Variants in SCAPER observed in about 807,000 individuals in gnomAD.
SCAPER encodes S-phase cyclin A associated protein in the ER.
Under a neutral mutation model 182.2 loss-of-function variants are expected in SCAPER, and 98 were observed. The ratio of observed to expected loss-of-function variants is 0.54; its 90% CI spans 0.46 to 0.64. The LOEUF (loss-of-function observed/expected upper bound fraction) is 0.64. SCAPER is among the 30% of genes least tolerant of loss of function. SCAPER has a pLI of 0.00. For missense variants in SCAPER, 1,432 were observed against 1,690.0 expected, an observed-to-expected ratio of 0.85 and a Z score of 2.68; for synonymous variants, 605 against 564.6, an observed-to-expected ratio of 1.07 and a Z score of -1.01.
At chr15:76,486,413 A>T (rs948029237) in intron 24 of SCAPER, among the ~76,000 whole-genome samples, 4 of 152,186 alleles carry the variant, frequency 2.6e-5, no homozygotes, top group Non-Finnish European at 5.9e-5. Flanking sequence ...GAAACTCAAC[A>T]GAGTAAGCAG....
At chr15:76,350,998 A>G (rs2040505740) in intron 31 of SCAPER, 1 of 391,630 alleles carries the variant, frequency 2.6e-6, no homozygotes, top group Non-Finnish European at 4.6e-6. Context: ...TATAAATTAT[A>G]CAAAGATATT....
rs1567561447 is a variant in SCAPER, at chr15:76,600,423, GTGTGTGTA to G, written c.2711+21333_2711+21340del. On this transcript the variant is annotated intron_variant, in intron 22 of 31. Transcript: ENST00000563290. Reference sequence around the variant, plus strand: ...TGTGTGTGTGTGTGTGTGTGTGTGTGTGTGTGTATACATATACATATATATATATATTT... The same window carrying G: ...TGTGTGTGTGTGTGTGTGTGTGTGTGTACATATACATATATATATATATTT... 7.0e-5 allele frequency among the ~76,000 whole-genome samples: 4 copies of G among 57,040 alleles called. 1 individual carries two copies. Among genetic ancestry groups the G allele is most frequent in the Non-Finnish European group, 8.7e-5 (2 of 23,052 alleles). 37.4% of individuals were successfully genotyped at this position (57,040 alleles called of 152,430 possible).
At chr15:76,626,808 A>T (rs1158622330) in intron 21 of SCAPER, among the ~76,000 whole-genome samples, 1 of 152,216 alleles carries the variant, frequency 6.6e-6, no homozygotes, top group African/African-American at 2.4e-5. Flanking sequence ...TCCTGAAGGA[A>T]ATGGAATGTG....
chr15:76,547,538 T>C (rs1346347781), intron 23 of SCAPER, among the ~76,000 whole-genome samples: 1 of 152,184 alleles, frequency 6.6e-6, no homozygotes, highest in Non-Finnish European at 1.5e-5. Flanking sequence ...TTAATAGTGA[T>C]TTCGGGATCT....
chr15:76,861,277 T>C (rs1349058140), intron 3 of SCAPER, among the ~76,000 whole-genome samples: 5 of 152,194 alleles, frequency 3.3e-5, no homozygotes, highest in South Asian at 2.1e-4. Flanking sequence ...ATTAGTTACA[T>C]AGGAAAAAAT....
intron 27 of SCAPER, among the ~76,000 whole-genome samples, chr15:76,396,774 A>C (rs1319354501): frequency 3.3e-5 from 5 of 152,014 alleles, no homozygotes; most frequent in Non-Finnish European, 7.4e-5. Context: ...GGATAATTTG[A>C]CTTCTTCCTT....
intron 4 of SCAPER, among the ~76,000 whole-genome samples, chr15:76,847,957 C>A (rs547360467): frequency 4.6e-5 from 7 of 152,272 alleles, no homozygotes; most frequent in African/African-American, 1.7e-4. Flanking sequence ...AAAAGAAGCT[C>A]TCTCCCTGTA....
Position 76,885,302 on chromosome 15 carries a change from A to T in SCAPER, c.-59-1426T>A, listed in dbSNP as rs113739432. Among the ~76,000 whole-genome samples the T allele has an allele frequency of 1.9e-3, 292 of 152,230 alleles. 3 individuals carry two copies. Among genetic ancestry groups the T allele is most frequent in the African/African-American group, 6.4e-3 (264 of 41,528 alleles). ...ATCATGTCCAAAATTTTCCAATTCC[A>T]TACACCCCTTCTCCCCAGCATTCAC... is the stretch of plus-strand genomic sequence containing the variant. On this transcript the variant is annotated intron_variant, in intron 1 of 31. Transcript: ENST00000563290.
chr15:76,845,318 G>A (rs1303281534), intron 4 of SCAPER, among the ~76,000 whole-genome samples: 2 of 152,076 alleles, frequency 1.3e-5, no homozygotes, highest in African/African-American at 4.8e-5. Flanking sequence ...AACATGAAAA[G>A]GATACCTGCT....
chr15:76,533,176 C>A (rs941023040), intron 23 of SCAPER, among the ~76,000 whole-genome samples: 1 of 151,976 alleles, frequency 6.6e-6, no homozygotes, highest in Non-Finnish European at 1.5e-5. Context: ...GCTGGCTTTG[C>A]GGAGTGGGTA....
intron 22 of SCAPER, among the ~76,000 whole-genome samples, chr15:76,589,579 C>A (rs1295037992): frequency 6.6e-6 from 1 of 152,130 alleles, no homozygotes; most frequent in African/African-American, 2.4e-5. Context: ...AGTGGGCAAG[C>A]TCAGCTGAGA....
rs535178095 is a variant in SCAPER at position 76,488,537 on chromosome 15, T to C, written c.2954+16322A>G. Among the ~76,000 whole-genome samples the C allele has an allele frequency of 2.0e-5, 3 of 152,078 alleles. No individual in the cohort carries two copies. The East Asian group carries it at 5.8e-4, about 29-fold the overall frequency. ...ATCATACTCTCTCCTTCAATCTTCT[T>C]TAGTTTTAGAACTATAAATAACTAC... On this transcript the variant is annotated intron_variant, in intron 24 of 31. Transcript: ENST00000563290.
At chr15:76,803,211 T>A (rs2065915975) in intron 6 of SCAPER, among the ~76,000 whole-genome samples, 1 of 152,194 alleles carries the variant, frequency 6.6e-6, no homozygotes. Flanking sequence ...CCCTTGTTCT[T>A]TTCACTCCTG....
intron 5 of SCAPER, among the ~76,000 whole-genome samples, chr15:76,837,656 T>C (rs1043676458): frequency 2.0e-5 from 3 of 152,202 alleles, no homozygotes; most frequent in Non-Finnish European, 4.4e-5. Flanking sequence ...ATGCTCAACA[T>C]GACTAATCAT....
chr15:76,447,869 A>G (rs1320184413), intron 25 of SCAPER, among the ~76,000 whole-genome samples: 1 of 152,188 alleles, frequency 6.6e-6, no homozygotes, highest in Non-Finnish European at 1.5e-5. Context: ...ATTCCAGGTG[A>G]TAAGTAAACT....
chr15:76,725,848 T>C (rs1052946902), intron 17 of SCAPER, among the ~76,000 whole-genome samples: 5 of 150,690 alleles, frequency 3.3e-5, no homozygotes, highest in African/African-American at 1.2e-4. Flanking sequence ...ACTAAAACTA[T>C]CCAAGATCTA....
chr15:76,704,440 G>T (rs1324978677), intron 18 of SCAPER, among the ~76,000 whole-genome samples: 1 of 152,124 alleles, frequency 6.6e-6, no homozygotes, highest in African/African-American at 2.4e-5. Flanking sequence ...TTCTTCTAGG[G>T]TTTTTACCGT....
intron 17 of SCAPER, among the ~76,000 whole-genome samples, chr15:76,718,009 G>T (rs2059982896): frequency 6.6e-6 from 1 of 152,026 alleles, no homozygotes; most frequent in African/African-American, 2.4e-5. Flanking sequence ...ATCCAGGATA[G>T]GCCATATGTT....
intron 2 of SCAPER, among the ~76,000 whole-genome samples, chr15:76,872,345 T>C (rs118188698): frequency 0.037 from 5,568 of 152,074 alleles, 138 homozygotes; most frequent in Non-Finnish European, 0.054. Context: ...TCCCAGAAGC[T>C]CTACAAACCC....
Sources: allele counts gnomAD v4.1 joint callset (sites outside exome capture counted in the v4.1 genomes callset), GRCh38; gene constraint gnomAD v4.1.1; transcripts MANE v1.5; gene names NCBI Gene and HGNC (gene_info 2026-07-23, HGNC 2026-07-21).